Variants in PRDM8 observed in about 807,000 individuals in gnomAD.
PRDM8 encodes the protein PR domain zinc finger protein 8.
PRDM8 carries 13 observed loss-of-function variants against 46.5 expected under a neutral mutation model. That is an observed-to-expected ratio of 0.28 (90% CI 0.18 to 0.44). The LOEUF (loss-of-function observed/expected upper bound fraction) is 0.44. Among genes scored for constraint, PRDM8 ranks in the 20% least tolerant of loss-of-function variants. PRDM8 has a pLI of 1.00. For missense variants in PRDM8, 998 were observed against 955.0 expected (o/e 1.04, Z -0.59); for synonymous variants, 473 against 438.4 (o/e 1.08, Z -0.98).
chr4:80,193,094 T>G (rs1737673782), upstream of PRDM8, among the ~76,000 whole-genome samples: 1 of 152,082 alleles, frequency 6.6e-6, no homozygotes, highest in Non-Finnish European at 1.5e-5. Flanking sequence ...GCAGGATCAT[T>G]TACGAGGAAA....
rs1738601727 is a variant in PRDM8, at chr4:80,202,636, G to C, written c.1174G>C (p.Ala392Pro). 6.6e-7 allele frequency: 1 copy of C among 1,514,670 alleles called. No individual in the cohort carries two copies. The highest frequency in any genetic ancestry group is 1.2e-5 in the South Asian group (1 of 82,132). The allele number at this position is 1,514,670 out of a possible 1,614,324, so 93.8% of individuals were successfully genotyped here. The part of the protein sequence containing the change: ...KRSAFVEVKK[A>P]ARAASLQEEG... ...CAGCGCCTTCGTGGAGGTGAAGAAG[G>C]CTGCCCGCGCGGCCAGCCTGCAGGA... is the stretch of plus-strand genomic sequence containing the variant. Residue 392 changes from alanine (A) to proline (P), a missense_variant, in exon 4 of 4, where the codon GCT (alanine) becomes CCT (proline). Coordinates refer to ENST00000415738, the MANE Select transcript of PRDM8 (RefSeq NM_001099403.2).
chr4:80,187,563 A>G (rs1578238765), intron 1 of PRDM8, among the ~76,000 whole-genome samples: 4 of 152,306 alleles, frequency 2.6e-5, no homozygotes, highest in Admixed American at 2.6e-4. Context: ...TGGGGGATAT[A>G]CAGAGTCCAA....
At chr4:80,197,106 C>A (rs905922575), upstream of PRDM8, 6 of 985,498 alleles carry the variant, frequency 6.1e-6, no homozygotes, top group Non-Finnish European at 7.2e-6. Context: ...TCACGGAACG[C>A]GGACTCCGGG....
In PRDM8 at chr4:80,202,615, G is replaced by A. The variant is rs1288284782; in HGVS notation, c.1153G>A (p.Ala385Thr). 2.0e-6 allele frequency: 3 copies of A among 1,530,816 alleles called. No individual in the cohort carries two copies. Among genetic ancestry groups the A allele is most frequent in the South Asian group, 1.2e-5 (1 of 83,658 alleles). The allele number at this position is 1,530,816 out of a possible 1,614,324, so 94.8% of individuals were successfully genotyped here. The change falls in exon 4 of 4, where the codon GCC becomes ACC. Residue 385 changes from alanine to threonine, a missense_variant. Transcript: ENST00000415738. Reference sequence around the variant, plus strand: ...CGAGACGGGCGAGGCGAAGCGCAGCGCCTTCGTGGAGGTGAAGAAGGCTGC... The same window carrying A: ...CGAGACGGGCGAGGCGAAGCGCAGCACCTTCGTGGAGGTGAAGAAGGCTGC... ...SPETGEAKRS[A>T]FVEVKKAARA...
chr4:80,200,691 A>G lies in PRDM8; in HGVS notation c.219+392A>G, dbSNP rs150311865. 1.4e-3 allele frequency among the ~76,000 whole-genome samples: 212 copies of G among 152,336 alleles called. 1 individual carries two copies. The highest frequency in any genetic ancestry group is 4.7e-3 in the Admixed American group (72 of 15,304). ...GCCTTCCATTTGAGGAGGCTTCTTC[A>G]TCCCCTAAAGATTAGTTTCTTTGGT... On this transcript the variant is annotated intron_variant, in intron 2 of 3. Coordinates refer to ENST00000415738, the MANE Select transcript of PRDM8 (RefSeq NM_001099403.2).
In PRDM8 at chr4:80,203,183, C is replaced by G. The variant is rs746174564; in HGVS notation, c.1721C>G (p.Pro574Arg). The change falls in exon 4 of 4, where the codon CCC becomes CGC. Residue 574 changes from proline to arginine, a missense_variant. Coordinates refer to ENST00000415738, the MANE Select transcript of PRDM8 (RefSeq NM_001099403.2). Reference sequence around the variant, plus strand: ...GGCGGCGGCCTGCCTAAGCAGAGCCCCTTCCTGTACGCCACCGCCTTCTGG... The same window carrying G: ...GGCGGCGGCCTGCCTAAGCAGAGCCGCTTCCTGTACGCCACCGCCTTCTGG... Reference protein sequence around the residue: ...SGGGGLPKQSPFLYATAFWPK... With the variant: ...SGGGGLPKQSRFLYATAFWPK... 1.1e-4 allele frequency: 163 copies of G among 1,549,940 alleles called. No homozygotes were observed. Among genetic ancestry groups the G allele is most frequent in the Non-Finnish European group, 1.3e-4 (155 of 1,151,646 alleles).
At chr4:80,188,049 G>A (rs1737255366) in intron 1 of PRDM8, among the ~76,000 whole-genome samples, 1 of 152,146 alleles carries the variant, frequency 6.6e-6, no homozygotes, top group African/African-American at 2.4e-5. Context: ...AAGGCCAGGA[G>A]GACCCGCATT....
At chr4:80,197,241 C>T (rs1738027186), upstream of PRDM8, 4 of 985,098 alleles carry the variant, frequency 4.1e-6, no homozygotes, top group Non-Finnish European at 4.8e-6. Flanking sequence ...AATCCTGAAA[C>T]GATTTTCCCC....
chr4:80,199,707 A>ATGTGTGTGTG (rs201992799), intron 1 of PRDM8, among the ~76,000 whole-genome samples: 2,376 of 90,490 alleles, frequency 0.026, 32 homozygotes, highest in South Asian at 0.085. Context: ...ATATATATAT[A>ATGTGTGTGTG]TATGTGTGTG....
At chr4:80,195,989 G>A, upstream of PRDM8, 1 of 844,094 alleles carries the variant, frequency 1.2e-6, no homozygotes, top group Non-Finnish European at 1.4e-6. Flanking sequence ...TCATGGGAAA[G>A]TCCTTGCACT....
chr4:80,197,757 A>C lies in PRDM8; in HGVS notation c.-9A>C. The C allele has an allele frequency of 1.0e-6, 1 of 984,974 alleles. No individual in the cohort carries two copies. The highest frequency in any genetic ancestry group is 1.2e-6 in the Non-Finnish European group (1 of 829,192). The allele number at this position is 984,974 out of a possible 1,614,324, so 61.0% of individuals were successfully genotyped here. A position where few individuals can be genotyped will look rare whatever the true frequency, so the allele number is the denominator to read the frequency against. ...ATTTGGGAGATTCTATACTGACCTT[A>C]TTCCTGGTAAGTCTATTTGCATTGA... On this transcript the variant is annotated 5_prime_UTR_variant, in exon 1 of 4. Transcript: ENST00000415738.
At chr4:80,199,975 A>C in intron 1 of PRDM8, 104 bp from the exon 2 acceptor site, 2 of 840,838 alleles carry the variant, frequency 2.4e-6, no homozygotes, top group Non-Finnish European at 3.8e-6. Flanking sequence ...AAAATCAGGC[A>C]TGTGCAAGGA....
chr4:80,196,535 G>T (rs969030944), upstream of PRDM8: 3 of 985,280 alleles, frequency 3.0e-6, no homozygotes, highest in African/African-American at 5.2e-5. Context: ...TCCCGAGACG[G>T]CCTCGGCAAC....
chr4:80,193,287 AC>A (rs1737688400), upstream of PRDM8, among the ~76,000 whole-genome samples: 1 of 152,130 alleles, frequency 6.6e-6, no homozygotes, highest in African/African-American at 2.4e-5. Context: ...TGAGGAACAG[AC>A]CTAAACTGAG....
At chr4:80,196,022 C>T (rs932685817), upstream of PRDM8, 7 of 981,660 alleles carry the variant, frequency 7.1e-6, no homozygotes, top group Non-Finnish European at 8.5e-6. Flanking sequence ...GCAAAATCCT[C>T]CCCTGGCCTC....
rs201948324 is a variant in PRDM8 at position 80,189,429 on chromosome 4, G to T, written c.-982-2043G>T. On this transcript the variant is annotated intron_variant, in intron 1 of 9. Coordinates refer to the PRDM8 transcript ENST00000339711. ...GCTCTTGCATTAAACCTGGGGTGGG[G>T]GTGGGAGGTGCGCGGTGCGGGCTGG... 2.3e-4 allele frequency among the ~76,000 whole-genome samples: 35 copies of T among 152,174 alleles called. No individual in the cohort carries two copies. In the East Asian group the frequency reaches 6.4e-3, roughly 28 times the overall value.
In PRDM8 at chr4:80,203,747, C is replaced by T. The variant is rs1019703417; in HGVS notation, c.*215C>T. The T allele has an allele frequency of 1.4e-5, 6 of 416,134 alleles. No homozygotes were observed. In the Admixed American group the frequency reaches 2.6e-4, roughly 18 times the overall value. The allele number at this position is 416,134 out of a possible 1,614,324, so 25.8% of individuals were successfully genotyped here. A position where few individuals can be genotyped will look rare whatever the true frequency, so the allele number is the denominator to read the frequency against. On this transcript the variant is annotated 3_prime_UTR_variant, in exon 4 of 4. Coordinates refer to ENST00000415738, the MANE Select transcript of PRDM8 (RefSeq NM_001099403.2). Reference sequence around the variant, plus strand: ...TTTACCCGGGACACACACCCCCCCCCACACACACACACAGACACACTCACA... The same window carrying T: ...TTTACCCGGGACACACACCCCCCCCTACACACACACACAGACACACTCACA...
chr4:80,189,998 T>C (rs1278953385), intron 1 of PRDM8: 6 of 152,242 alleles, frequency 3.9e-5, no homozygotes, highest in African/African-American at 1.4e-4. Context: ...TTCGCCCTCG[T>C]TCCCTTAGAG....
intron 1 of PRDM8, among the ~76,000 whole-genome samples, chr4:80,186,218 T>A (rs1444622068): frequency 6.6e-6 from 1 of 152,080 alleles, no homozygotes; most frequent in African/African-American, 2.4e-5. Flanking sequence ...AGAGTCAGAC[T>A]CCTGTTACTT....
Sources: gnomAD v4.1 joint callset for allele counts (sites outside exome capture counted in the v4.1 genomes callset) on GRCh38, gnomAD v4.1.1 for gene constraint, MANE v1.5 for transcripts, NCBI Gene and HGNC (gene_info 2026-07-23, HGNC 2026-07-21) for gene names.